Variants in PDLIM5 observed in about 807,000 individuals in gnomAD.
PDLIM5 encodes the protein PDZ and LIM domain 5.
Under a neutral mutation model 64.2 loss-of-function variants are expected in PDLIM5, and 34 were observed. The observed-to-expected ratio is 0.53, with a 90% CI of 0.40 to 0.71. PDLIM5 has a LOEUF of 0.71. Among genes scored for constraint, PDLIM5 ranks in the 30% least tolerant of loss-of-function variants. The probability of loss-of-function intolerance (pLI) is 0.00; values close to 1 mark genes in which losing one functional copy is unlikely to be tolerated. For synonymous variants in PDLIM5, 253 were observed against 269.1 expected, an observed-to-expected ratio of 0.94 and a Z score of 0.59; for missense variants, 683 against 733.6, an observed-to-expected ratio of 0.93 and a Z score of 0.80.
chr4:94,529,845 T>G (rs2110152224), intron 3 of PDLIM5, among the ~76,000 whole-genome samples: 1 of 152,328 alleles, frequency 6.6e-6, no homozygotes, highest in Non-Finnish European at 1.5e-5. Flanking sequence ...TTATTTTTAC[T>G]CTTGGGGAAG....
chr4:94,620,932 G>A (rs1352516010), intron 8 of PDLIM5, among the ~76,000 whole-genome samples: 3 of 145,828 alleles, frequency 2.1e-5, no homozygotes, highest in East Asian at 1.9e-4. Flanking sequence ...TTAGCCAGGC[G>A]TGGTGGTGGG....
At chr4:94,525,800 T>C (rs1484836404) in intron 3 of PDLIM5, among the ~76,000 whole-genome samples, 1 of 152,228 alleles carries the variant, frequency 6.6e-6, no homozygotes, top group Non-Finnish European at 1.5e-5. Flanking sequence ...TGTTTATATG[T>C]ATTTTGAATT....
chr4:94,532,923 A>G (rs1034156637), intron 3 of PDLIM5, among the ~76,000 whole-genome samples: 2 of 152,136 alleles, frequency 1.3e-5, no homozygotes, highest in African/African-American at 4.8e-5. Context: ...GAATTACTTG[A>G]GCCCGGGAGG....
chr4:94,619,026 G>A (rs1739009299), intron 8 of PDLIM5, among the ~76,000 whole-genome samples: 1 of 151,998 alleles, frequency 6.6e-6, no homozygotes, highest in African/African-American at 2.4e-5. Flanking sequence ...CTCCAACTGA[G>A]TGATCTATTT....
rs1743049533 is a variant in PDLIM5 at position 94,665,703 on chromosome 4, T to C, written c.*1636T>C. 18 of 1,128,320 alleles carry C rather than the reference T, an allele frequency of 1.6e-5. No individual in the cohort carries two copies. Among genetic ancestry groups the C allele is most frequent in the Non-Finnish European group, 1.7e-5 (16 of 922,252 alleles). 69.9% of individuals were successfully genotyped at this position (1,128,320 alleles called of 1,614,324 possible). A position where few individuals can be genotyped will look rare whatever the true frequency, so the allele number is the denominator to read the frequency against. The stretch of plus-strand genomic sequence containing the variant: ...TTTTGTTTCGTTTTGTTTCTTCTTC[T>C]GCATTTAAAAATTAAAAGATTGGTT... On this transcript the variant is annotated 3_prime_UTR_variant, in exon 13 of 13. Coordinates refer to ENST00000317968, the MANE Select transcript of PDLIM5 (RefSeq NM_006457.5).
At chr4:94,471,341 G>C (rs1232844556) in intron 2 of PDLIM5, among the ~76,000 whole-genome samples, 1 of 151,620 alleles carries the variant, frequency 6.6e-6, no homozygotes, top group South Asian at 2.1e-4. Context: ...TTTCGTAAAA[G>C]ATTTTATCTT....
At chr4:94,478,239 G>A (rs1210274279) in intron 2 of PDLIM5, among the ~76,000 whole-genome samples, 1 of 139,990 alleles carries the variant, frequency 7.1e-6, no homozygotes, top group Non-Finnish European at 1.5e-5. Flanking sequence ...CTGGGCAACA[G>A]AGCCAGACTC....
chr4:94,658,656 T>A (rs1187754747), intron 11 of PDLIM5, among the ~76,000 whole-genome samples: 1 of 152,200 alleles, frequency 6.6e-6, no homozygotes, highest in African/African-American at 2.4e-5. Context: ...TGTGTCATCA[T>A]CATTCAGCCC....
chr4:94,511,537 A>G lies in PDLIM5; in HGVS notation c.97-12187A>G, dbSNP rs183617057. On this transcript the variant is annotated intron_variant, in intron 2 of 12. Coordinates refer to ENST00000317968, the MANE Select transcript of PDLIM5 (RefSeq NM_006457.5). Reference sequence around the variant, plus strand: ...TTGACTATAGTCACCCTGTTGTACTATCAAGTAGTAAGTCTCATACATTCC... The same window carrying G: ...TTGACTATAGTCACCCTGTTGTACTGTCAAGTAGTAAGTCTCATACATTCC... Among the ~76,000 whole-genome samples the G allele has an allele frequency of 4.2e-3, 637 of 152,112 alleles. 5 individuals are homozygous for G. Among genetic ancestry groups the G allele is most frequent in the South Asian group, 0.016 (75 of 4,818 alleles).
chr4:94,512,399 T>C (rs1323052070), intron 2 of PDLIM5, among the ~76,000 whole-genome samples: 6 of 152,168 alleles, frequency 3.9e-5, no homozygotes, highest in Non-Finnish European at 8.8e-5. Flanking sequence ...ACCAACAGTG[T>C]ACAAGGGTTC....
chr4:94,589,212 T>C (rs1191676127), intron 7 of PDLIM5, among the ~76,000 whole-genome samples: 1 of 152,164 alleles, frequency 6.6e-6, no homozygotes, highest in East Asian at 1.9e-4. Context: ...AAGAATCCAA[T>C]TTCTAGAATA....
At chr4:94,458,432 A>C (rs1304685193) in intron 2 of PDLIM5, among the ~76,000 whole-genome samples, 1 of 152,164 alleles carries the variant, frequency 6.6e-6, no homozygotes, top group Non-Finnish European at 1.5e-5. Flanking sequence ...TAGAGACTTG[A>C]AACATTAAAT....
chr4:94,656,728 G>A (rs528758950), intron 10 of PDLIM5: 3 of 151,334 alleles, frequency 2.0e-5, no homozygotes, highest in South Asian at 2.1e-4. Flanking sequence ...TCCACCTCAC[G>A]AGTTTATGCC....
chr4:94,613,796 T>TAA (rs1307664160), intron 7 of PDLIM5, among the ~76,000 whole-genome samples: 1 of 1,944 alleles, frequency 5.1e-4, no homozygotes, highest in African/African-American at 2.5e-3. Flanking sequence ...AATTTAAATT[T>TAA]AGAAAATATA....
chr4:94,476,270 A>G (rs1284590077), intron 2 of PDLIM5, among the ~76,000 whole-genome samples: 1 of 152,150 alleles, frequency 6.6e-6, no homozygotes, highest in Non-Finnish European at 1.5e-5. Context: ...CTTTGTTTTT[A>G]GTTAACCCAA....
chr4:94,637,003 A>G (rs1019114694), intron 8 of PDLIM5, among the ~76,000 whole-genome samples: 6 of 152,090 alleles, frequency 3.9e-5, no homozygotes, highest in Non-Finnish European at 8.8e-5. Flanking sequence ...AGAATGGGAA[A>G]ACTATGAGTA....
chr4:94,469,544 G>C (rs1008655759), intron 2 of PDLIM5, among the ~76,000 whole-genome samples: 1 of 152,184 alleles, frequency 6.6e-6, no homozygotes, highest in Non-Finnish European at 1.5e-5. Context: ...GAGGAAAGTG[G>C]AGTGAGAATA....
At chr4:94,538,416 G>A (rs1224601971) in intron 3 of PDLIM5, among the ~76,000 whole-genome samples, 2 of 152,102 alleles carry the variant, frequency 1.3e-5, no homozygotes, top group Non-Finnish European at 2.9e-5. Context: ...GTAAAAGATT[G>A]CCTACTGTGA....
chr4:94,587,283 CAAAA>C, intron 7 of PDLIM5: 39 of 1,083,616 alleles, frequency 3.6e-5, no homozygotes, highest in Admixed American at 1.6e-4. Flanking sequence ...AATGTAAAAC[CAAAA>C]AAAAAAAAAA....
Sources: allele counts gnomAD v4.1 joint callset (sites outside exome capture counted in the v4.1 genomes callset), GRCh38; gene constraint gnomAD v4.1.1; transcripts MANE v1.5; gene names NCBI Gene and HGNC (gene_info 2026-07-23, HGNC 2026-07-21).